The following PXDNL variants were observed in gnomAD, a reference collection of about 807,000 sequenced individuals.
PXDNL encodes the protein probable oxidoreductase PXDNL.
A neutral mutation model predicts 150.8 loss-of-function variants in PXDNL; 145 were observed. The ratio of observed to expected loss-of-function variants is 0.96; its 90% CI spans 0.84 to 1.10. The LOEUF is 1.10. Among genes scored for constraint, PXDNL ranks in the 50% least tolerant of loss-of-function variants. The pLI, the probability that PXDNL is intolerant of heterozygous loss-of-function variation, is 0.00. For missense variants in PXDNL, 2,087 were observed against 1,873.9 expected (o/e 1.11, Z -2.10); for synonymous variants, 757 against 725.7 (o/e 1.04, Z -0.69).
intron 12 of PXDNL, among the ~76,000 whole-genome samples, chr8:51,428,462 G>A (rs538797572): frequency 5.9e-5 from 9 of 152,284 alleles, no homozygotes; most frequent in South Asian, 2.1e-4. Context: ...ATTTTAAGAC[G>A]GGTCATATAG....
At chr8:51,706,897 T>C (rs139959147) in intron 1 of PXDNL, among the ~76,000 whole-genome samples, 3 of 152,236 alleles carry the variant, frequency 2.0e-5, no homozygotes, top group Admixed American at 2.0e-4. Context: ...TTCTCAGGTA[T>C]GGAGGGTCTC....
intron 1 of PXDNL, among the ~76,000 whole-genome samples, chr8:51,783,390 G>A (rs1233905484): frequency 6.6e-6 from 1 of 152,190 alleles, no homozygotes; most frequent in Non-Finnish European, 1.5e-5. Context: ...GAATAAAGTG[G>A]TTCCAAATAG....
Position 51,409,384 on chromosome 8 carries a change from G to T in PXDNL, c.2240C>A (p.Thr747Asn). Residue 747 changes from threonine (T) to asparagine (N), a missense_variant, in exon 17 of 23, where the codon ACC becomes AAC. Physicochemically the swap from Thr to Asn is moderately conservative, Grantham distance 65 (BLOSUM62 0). Transcript: ENST00000356297. ...LQQPTWGAAL[T>N]AFARLLQPAY... is the part of the protein sequence containing the mutation. The stretch of plus-strand genomic sequence containing the variant: ...TGGCTGCAGCAGGCGCGCGAAGGCG[G>T]TCAGCGCCGCGCCCCACGTGGGCTG... 9.4e-6 allele frequency: 15 copies of T among 1,593,916 alleles called. No homozygotes were observed. Among genetic ancestry groups the T allele is most frequent in the Non-Finnish European group, 1.3e-5 (15 of 1,172,556 alleles).
intron 1 of PXDNL, among the ~76,000 whole-genome samples, chr8:51,655,477 T>C (rs1428928293): frequency 6.6e-6 from 1 of 152,134 alleles, no homozygotes. Flanking sequence ...TGCATAGTGT[T>C]TGTGATACAA....
At chr8:51,612,377 C>T (rs1009083660) in intron 2 of PXDNL, among the ~76,000 whole-genome samples, 8 of 152,114 alleles carry the variant, frequency 5.3e-5, no homozygotes, top group South Asian at 2.1e-4. Context: ...GGCTAACAAT[C>T]GCCATCGAAA....
chr8:51,371,896 C>A lies in PXDNL; in HGVS notation c.3878G>T (p.Arg1293Leu). The A allele has an allele frequency of 6.2e-7, 1 of 1,613,904 alleles. No individual in the cohort carries two copies. Among genetic ancestry groups the A allele is most frequent in the Non-Finnish European group, 8.5e-7 (1 of 1,179,846 alleles). The change falls in exon 19 of 23, where the codon CGA (arginine) becomes CTA (leucine). Residue 1293 changes from arginine to leucine, a missense_variant. Physicochemically the swap from Arg to Leu is moderately radical, Grantham distance 102. Transcript: ENST00000356297. ...NCSEIPKVDL[R>L]VWQDCCADCR... is the part of the protein sequence containing the mutation. ...ACCTGCACAGCAGTCTTGCCACACT[C>A]GCAGGTCCACCTTCGGGATCTCGCT...
At chr8:51,527,672 C>A (rs1389350089) in intron 4 of PXDNL, among the ~76,000 whole-genome samples, 1 of 152,176 alleles carries the variant, frequency 6.6e-6, no homozygotes, top group Non-Finnish European at 1.5e-5. Flanking sequence ...ATTGCCAACA[C>A]AGGTCTGGAT....
chr8:51,481,828 G>T (rs2099258), intron 6 of PXDNL, among the ~76,000 whole-genome samples: 30,123 of 152,180 alleles, frequency 0.2, 3,241 homozygotes, highest in African/African-American at 0.26. Context: ...ATTGAGGTTT[G>T]GGAACCTCCA....
rs910676488 is a variant in PXDNL at position 51,383,701 on chromosome 8, TA to T, written c.3558-8971del. 7.9e-5 allele frequency among the ~76,000 whole-genome samples: 12 copies of T among 152,290 alleles called. No individual in the cohort carries two copies. The South Asian group carries it at 2.3e-3, about 29-fold the overall frequency. ...AAGAGTAAACAGTCTAGCTATATTTTAAAAAAAGTGGTGCTTTTGTCGGTAT... is the reference window on the plus strand; with the variant it reads ...AAGAGTAAACAGTCTAGCTATATTTTAAAAAAGTGGTGCTTTTGTCGGTAT... On this transcript the variant is annotated intron_variant, in intron 17 of 22. Coordinates refer to ENST00000356297, the MANE Select transcript of PXDNL (RefSeq NM_144651.5).
intron 17 of PXDNL, among the ~76,000 whole-genome samples, chr8:51,385,135 A>G (rs1179362205): frequency 6.6e-6 from 1 of 152,256 alleles, no homozygotes; most frequent in African/African-American, 2.4e-5. Flanking sequence ...ATTAACAATT[A>G]TATCATTTTT....
At chr8:51,736,736 A>G (rs1817046839) in intron 1 of PXDNL, among the ~76,000 whole-genome samples, 1 of 152,230 alleles carries the variant, frequency 6.6e-6, no homozygotes, top group Admixed American at 6.5e-5. Flanking sequence ...GTGGTACATA[A>G]GGGCAGTTGT....
intron 7 of PXDNL, among the ~76,000 whole-genome samples, chr8:51,473,274 A>C (rs866543912): frequency 7.5e-6 from 1 of 133,940 alleles, no homozygotes; most frequent in African/African-American, 2.7e-5. Flanking sequence ...GTAGAAAATA[A>C]ACACACACAC....
intron 1 of PXDNL, among the ~76,000 whole-genome samples, chr8:51,743,908 A>AAAGGGAAGGAAGG (rs374274786): frequency 3.0e-5 from 2 of 66,866 alleles, no homozygotes; most frequent in African/African-American, 9.6e-5. Flanking sequence ...GCTGAGAGAG[A>AAAGGGAAGGAAGG]AAGGAAGGAA....
rs571461754 is a variant in PXDNL, at chr8:51,719,098, G to A, written c.165-64338C>T. On this transcript the variant is annotated intron_variant, in intron 1 of 22. Transcript: ENST00000356297. ...AGGTGAGGGGCGCCTCTGCCCGGCC[G>A]CCCCTTCTAGGAAGTGAGGAGCCCC... Among the ~76,000 whole-genome samples the A allele has an allele frequency of 1.5e-3, 228 of 152,064 alleles. 2 individuals carry two copies. Among genetic ancestry groups the A allele is most frequent in the African/African-American group, 4.5e-3 (186 of 41,516 alleles).
At chr8:51,709,682 TA>T (rs1209043126) in intron 1 of PXDNL, among the ~76,000 whole-genome samples, 4 of 152,190 alleles carry the variant, frequency 2.6e-5, no homozygotes, top group African/African-American at 9.7e-5. Context: ...AAGGATAAGT[TA>T]ATTATGGTAC....
chr8:51,770,665 C>G (rs1279254486), intron 1 of PXDNL, among the ~76,000 whole-genome samples: 2 of 152,242 alleles, frequency 1.3e-5, no homozygotes, highest in Non-Finnish European at 2.9e-5. Flanking sequence ...AAAGTCAAAA[C>G]AGGTACACCA....
At chr8:51,356,150 C>G (rs1399812505) in intron 19 of PXDNL, among the ~76,000 whole-genome samples, 1 of 152,116 alleles carries the variant, frequency 6.6e-6, no homozygotes, top group East Asian at 1.9e-4. Flanking sequence ...TTTTTTTGGT[C>G]TTGTTTCTTA....
intron 5 of PXDNL, among the ~76,000 whole-genome samples, chr8:51,496,062 C>T (rs1399870168): frequency 1.3e-5 from 2 of 152,196 alleles, no homozygotes; most frequent in African/African-American, 2.4e-5. Flanking sequence ...TCCAGCAGCA[C>T]ATCAAAAAGC....
intron 1 of PXDNL, among the ~76,000 whole-genome samples, chr8:51,663,227 C>T (rs1815312008): frequency 1.3e-5 from 2 of 152,190 alleles, no homozygotes; most frequent in South Asian, 2.1e-4. Flanking sequence ...CATTGCCCTG[C>T]CTGCGCTTAA....
Sources: gnomAD v4.1 joint callset for allele counts (sites outside exome capture counted in the v4.1 genomes callset) on GRCh38, gnomAD v4.1.1 for gene constraint, MANE v1.5 for transcripts, NCBI Gene and HGNC (gene_info 2026-07-23, HGNC 2026-07-21) for gene names.